IQCJ: variants seen among roughly 807,000 people sequenced by gnomAD.
IQCJ encodes the protein IQ motif containing J.
In IQCJ, 9 loss-of-function variants were observed where a neutral mutation model predicts 11.0. That is an observed-to-expected ratio of 0.82 (90% CI 0.49 to 1.43). IQCJ has a LOEUF of 1.43. Among genes scored for constraint, IQCJ ranks in the 40% most tolerant of loss-of-function variants. The probability of loss-of-function intolerance (pLI) is 0.00; values close to 1 mark genes in which losing one functional copy is unlikely to be tolerated. For synonymous variants in IQCJ, 55 were observed against 51.3 expected, an observed-to-expected ratio of 1.07 and a Z score of -0.31; for missense variants, 146 against 133.2, an observed-to-expected ratio of 1.10 and a Z score of -0.47.
At chr3:159,223,561 TA>T (rs1725675313) in intron 1 of IQCJ, among the ~76,000 whole-genome samples, 1 of 151,994 alleles carries the variant, frequency 6.6e-6, no homozygotes, top group South Asian at 2.1e-4. Flanking sequence ...AGACATACCT[TA>T]AAAAAAGGCT....
At chr3:159,074,498 G>A (rs1331023038) in intron 1 of IQCJ, among the ~76,000 whole-genome samples, 6 of 151,918 alleles carry the variant, frequency 3.9e-5, no homozygotes, top group Admixed American at 6.6e-5. Context: ...TCTAACAGGT[G>A]TCTGCAGATG....
At chr3:159,090,879 A>G (rs1717228516) in intron 1 of IQCJ, among the ~76,000 whole-genome samples, 2 of 151,944 alleles carry the variant, frequency 1.3e-5, no homozygotes, top group South Asian at 4.1e-4. Flanking sequence ...TGGACATAAC[A>G]TAAAAGCCTT....
chr3:159,123,230 C>T (rs758698582), intron 1 of IQCJ, among the ~76,000 whole-genome samples: 7 of 152,146 alleles, frequency 4.6e-5, no homozygotes, highest in Non-Finnish European at 8.8e-5. Context: ...GAATGACCCA[C>T]ATCTCTATTC....
At chr3:159,084,976 T>C (rs1213750303) in intron 1 of IQCJ, among the ~76,000 whole-genome samples, 1 of 152,004 alleles carries the variant, frequency 6.6e-6, no homozygotes, top group Non-Finnish European at 1.5e-5. Flanking sequence ...TGCAGGTTAG[T>C]TACATATGTA....
intron 1 of IQCJ, among the ~76,000 whole-genome samples, chr3:159,186,427 C>T (rs529258101): frequency 2.6e-4 from 40 of 152,236 alleles, no homozygotes; most frequent in African/African-American, 9.1e-4. Flanking sequence ...ACATTTAGTT[C>T]TGTGAGTTGT....
chr3:159,109,212 T>C (rs1447894395), intron 1 of IQCJ, among the ~76,000 whole-genome samples: 1 of 152,322 alleles, frequency 6.6e-6, no homozygotes, highest in Middle Eastern at 3.4e-3. Context: ...TGTTTTGTTA[T>C]GGTTTTCCTT....
intron 1 of IQCJ, among the ~76,000 whole-genome samples, chr3:159,183,855 C>T (rs1474983507): frequency 6.6e-6 from 1 of 151,986 alleles, no homozygotes; most frequent in Non-Finnish European, 1.5e-5. Context: ...CTGCCATTAG[C>T]TCTCCTTCCA....
chr3:159,117,600 G>A (rs1340782051), intron 1 of IQCJ, among the ~76,000 whole-genome samples: 1 of 152,172 alleles, frequency 6.6e-6, no homozygotes, highest in African/African-American at 2.4e-5. Flanking sequence ...AGTGGAAAAA[G>A]CTCTTGGCTC....
chr3:159,113,252 C>T (rs1718744927), intron 1 of IQCJ, among the ~76,000 whole-genome samples: 1 of 152,066 alleles, frequency 6.6e-6, no homozygotes, highest in South Asian at 2.1e-4. Context: ...CTAGTTTCTC[C>T]TTAGGTTTAT....
At chr3:159,089,815 A>C (rs1340585457) in intron 1 of IQCJ, among the ~76,000 whole-genome samples, 4 of 151,514 alleles carry the variant, frequency 2.6e-5, no homozygotes, top group African/African-American at 9.8e-5. Context: ...CTAGTTATAC[A>C]TTCTTCTAAA....
chr3:159,195,837 A>G (rs1243402463), intron 1 of IQCJ, among the ~76,000 whole-genome samples: 4 of 152,244 alleles, frequency 2.6e-5, no homozygotes, highest in African/African-American at 4.8e-5. Flanking sequence ...CCTCAGTAGC[A>G]GAAAGACAAG....
rs146464446 is a variant in IQCJ at position 159,233,561 on chromosome 3, A to G, written c.10-12282A>G. Among the ~76,000 whole-genome samples, 531 of 152,330 alleles carry G rather than the reference A, an allele frequency of 3.5e-3. 4 individuals are homozygous for G. Among genetic ancestry groups the G allele is most frequent in the African/African-American group, 0.012 (503 of 41,562 alleles). On this transcript the variant is annotated intron_variant, in intron 1 of 3. Coordinates refer to ENST00000397832, the MANE Select transcript of IQCJ (RefSeq NM_001042706.3). ...ATAGTTAAAATAACTAATGTCATCG[A>G]GCACCTGCTATTTGCCTGGTGCAAG...
chr3:159,145,008 T>C (rs1396245177), intron 1 of IQCJ, among the ~76,000 whole-genome samples: 1 of 152,208 alleles, frequency 6.6e-6, no homozygotes, highest in East Asian at 1.9e-4. Flanking sequence ...CCTTTTCTTT[T>C]GCTGCTGTAT....
Position 159,127,683 on chromosome 3 carries a change from A to C in IQCJ, c.9+58242A>C, listed in dbSNP as rs1195490533. On this transcript the variant is annotated intron_variant, in intron 1 of 3. Coordinates refer to ENST00000397832, the MANE Select transcript of IQCJ (RefSeq NM_001042706.3). The stretch of plus-strand genomic sequence containing the variant: ...GTCGTGTTGACTGAGAAGAAGTGGC[A>C]ATTAGAGAATTTTATCAAATCTATT... Among the ~76,000 whole-genome samples, 4 of 152,344 alleles carry C rather than the reference A, an allele frequency of 2.6e-5. No individual in the cohort carries two copies. The East Asian group carries it at 7.7e-4, about 29-fold the overall frequency.
intron 1 of IQCJ, among the ~76,000 whole-genome samples, chr3:159,085,375 C>T (rs1047269266): frequency 2.6e-5 from 4 of 152,130 alleles, no homozygotes; most frequent in African/African-American, 9.7e-5. Flanking sequence ...CCACAATAAA[C>T]ATACATGTGC....
chr3:159,166,226 C>A (rs1044955600), intron 1 of IQCJ, among the ~76,000 whole-genome samples: 1 of 152,088 alleles, frequency 6.6e-6, no homozygotes, highest in South Asian at 2.1e-4. Context: ...CAACTTTGAG[C>A]AAACTTATAT....
At chr3:159,208,016 G>T (rs183810312) in intron 1 of IQCJ, among the ~76,000 whole-genome samples, 52 of 152,272 alleles carry the variant, frequency 3.4e-4, no homozygotes, top group Non-Finnish European at 5.1e-4. Flanking sequence ...CTTTAGCAGA[G>T]TTGTGACAAG....
At chr3:159,069,843 T>G (rs908365107) in intron 1 of IQCJ, 4 of 300,504 alleles carry the variant, frequency 1.3e-5, no homozygotes, top group East Asian at 9.6e-5. Context: ...CCCTCCTTTC[T>G]TGTGTGTGTG....
downstream of IQCJ, chr3:159,263,757 C>T: frequency 1.0e-6 from 1 of 985,068 alleles, no homozygotes; most frequent in Non-Finnish European, 1.2e-6. Flanking sequence ...ATGGTTTTGC[C>T]TAGATATGGA....
Sources: gnomAD v4.1 joint callset for allele counts (sites outside exome capture counted in the v4.1 genomes callset) on GRCh38, gnomAD v4.1.1 for gene constraint, MANE v1.5 for transcripts, NCBI Gene and HGNC (gene_info 2026-07-23, HGNC 2026-07-21) for gene names.